Variants in LRMDA observed in about 807,000 individuals in gnomAD.
The protein encoded by LRMDA is leucine rich melanocyte differentiation associated.
LRMDA carries 18 observed loss-of-function variants against 29.8 expected under a neutral mutation model. That is an observed-to-expected ratio of 0.60 (90% CI 0.42 to 0.90). The LOEUF (loss-of-function observed/expected upper bound fraction) is 0.90. Ranked by LOEUF, LRMDA falls within the 40% of genes least tolerant of loss-of-function variation. LRMDA has a pLI of 0.00. For missense variants in LRMDA, 273 were observed against 273.9 expected (o/e 1.00, Z 0.02); for synonymous variants, 125 against 109.4 (o/e 1.14, Z -0.89).
intron 4 of LRMDA, among the ~76,000 whole-genome samples, chr10:76,051,047 T>C (rs1403099672): frequency 6.6e-6 from 1 of 152,226 alleles, no homozygotes; most frequent in African/African-American, 2.4e-5. Flanking sequence ...CGTGACACCC[T>C]TTCTTTGTTC....
chr10:76,285,641 T>C (rs1042867124), intron 5 of LRMDA, among the ~76,000 whole-genome samples: 2 of 152,084 alleles, frequency 1.3e-5, no homozygotes, highest in African/African-American at 4.8e-5. Context: ...TGGAGACTTA[T>C]AGGCATAGTC....
chr10:75,664,748 T>C (rs1261919105), intron 2 of LRMDA, among the ~76,000 whole-genome samples: 1 of 152,210 alleles, frequency 6.6e-6, no homozygotes, highest in African/African-American at 2.4e-5. Context: ...ATGAAAAAGA[T>C]TGAAGGCATG....
chr10:75,858,984 C>T (rs927466790), intron 2 of LRMDA, among the ~76,000 whole-genome samples: 30 of 152,262 alleles, frequency 2.0e-4, no homozygotes, highest in Non-Finnish European at 4.0e-4. Context: ...ATACATTCAG[C>T]AGCTTGCTGT....
At chr10:76,051,954 A>AT (rs1430302449) in intron 4 of LRMDA, among the ~76,000 whole-genome samples, 1 of 152,264 alleles carries the variant, frequency 6.6e-6, no homozygotes, top group Non-Finnish European at 1.5e-5. Context: ...TATGAAACAT[A>AT]TACGTTCAGC....
intron 4 of LRMDA, among the ~76,000 whole-genome samples, chr10:76,053,679 A>G (rs1200012724): frequency 6.6e-6 from 1 of 152,172 alleles, no homozygotes; most frequent in Non-Finnish European, 1.5e-5. Context: ...CCAAGCCACC[A>G]AGGGGCAAGA....
chr10:76,026,183 T>G (rs1848060056), intron 2 of LRMDA, among the ~76,000 whole-genome samples: 1 of 152,226 alleles, frequency 6.6e-6, no homozygotes, highest in Non-Finnish European at 1.5e-5. Flanking sequence ...ATCATTATAT[T>G]AATAATTGAG....
chr10:76,322,573 A>C (rs912606513), intron 5 of LRMDA, among the ~76,000 whole-genome samples: 16 of 152,218 alleles, frequency 1.1e-4, no homozygotes, highest in African/African-American at 3.4e-4. Flanking sequence ...ACGCTTGGTT[A>C]CAGAATTCTA....
chr10:75,976,533 C>G (rs1259521750), intron 2 of LRMDA, among the ~76,000 whole-genome samples: 1 of 152,222 alleles, frequency 6.6e-6, no homozygotes, highest in Non-Finnish European at 1.5e-5. Flanking sequence ...GGGCCTTCAC[C>G]TACCTTGTTC....
chr10:76,261,869 A>G (rs1487116173), intron 5 of LRMDA, among the ~76,000 whole-genome samples: 1 of 152,238 alleles, frequency 6.6e-6, no homozygotes, highest in Non-Finnish European at 1.5e-5. Context: ...AAACAAATTT[A>G]GAATGACATT....
At chr10:75,999,621 C>A (rs1368376817) in intron 2 of LRMDA, among the ~76,000 whole-genome samples, 1 of 152,224 alleles carries the variant, frequency 6.6e-6, no homozygotes, top group Admixed American at 6.5e-5. Context: ...CCAGCAAGAA[C>A]AGGCGCTGCT....
intron 5 of LRMDA, among the ~76,000 whole-genome samples, chr10:76,091,307 G>C (rs867565715): frequency 4.5e-5 from 5 of 111,024 alleles, no homozygotes; most frequent in Non-Finnish European, 1.1e-4. Context: ...GTGTGTGTGT[G>C]TGTGTGTGTG....
intron 2 of LRMDA, among the ~76,000 whole-genome samples, chr10:75,896,989 G>A (rs1845594312): frequency 6.6e-6 from 1 of 152,040 alleles, no homozygotes; most frequent in East Asian, 1.9e-4. Context: ...ATTGCTACTG[G>A]GCAAAGTAAT....
chr10:76,184,266 A>G (rs756485419), intron 5 of LRMDA, among the ~76,000 whole-genome samples: 3 of 151,984 alleles, frequency 2.0e-5, no homozygotes, highest in Non-Finnish European at 4.4e-5. Flanking sequence ...CCTGACCTCA[A>G]GTGAGATGCC....
intron 5 of LRMDA, among the ~76,000 whole-genome samples, chr10:76,304,435 C>T (rs886158281): frequency 5.9e-5 from 9 of 152,174 alleles, no homozygotes; most frequent in Admixed American, 3.9e-4. Flanking sequence ...CTTTCACATA[C>T]GAGAAATCAA....
chr10:75,455,514 A>G (rs905603720), intron 2 of LRMDA, among the ~76,000 whole-genome samples: 12 of 152,092 alleles, frequency 7.9e-5, no homozygotes, highest in African/African-American at 2.7e-4. Context: ...AGAACCTTTC[A>G]GTTCTCTCCT....
chr10:75,906,922 A>G (rs1172784050), intron 2 of LRMDA, among the ~76,000 whole-genome samples: 1 of 152,214 alleles, frequency 6.6e-6, no homozygotes, highest in Non-Finnish European at 1.5e-5. Context: ...TTGCTTTAAC[A>G]TGGTCTGGCC....
intron 2 of LRMDA, among the ~76,000 whole-genome samples, chr10:75,784,092 G>A (rs1843429972): frequency 6.6e-6 from 1 of 152,164 alleles, no homozygotes; most frequent in Admixed American, 6.5e-5. Context: ...TTATGTGTCT[G>A]GGTTCATATG....
chr10:75,563,351 T>C (rs1315968854), intron 2 of LRMDA, among the ~76,000 whole-genome samples: 3 of 152,162 alleles, frequency 2.0e-5, no homozygotes, highest in African/African-American at 7.2e-5. Context: ...ATTCTTCACG[T>C]AGTTCTCAAT....
intron 2 of LRMDA, among the ~76,000 whole-genome samples, chr10:75,655,826 G>T (rs1032343546): frequency 3.3e-5 from 5 of 152,094 alleles, no homozygotes; most frequent in Non-Finnish European, 7.4e-5. Context: ...ATATTTTTAG[G>T]GTGGGTCTGG....
Sources: gnomAD v4.1 joint callset for allele counts (sites outside exome capture counted in the v4.1 genomes callset) on GRCh38, gnomAD v4.1.1 for gene constraint, MANE v1.5 for transcripts, NCBI Gene and HGNC (gene_info 2026-07-23, HGNC 2026-07-21) for gene names.